The following FGB variants were observed in gnomAD, a reference collection of about 807,000 sequenced individuals.
FGB encodes the protein beta-fibrinogen.
Under a neutral mutation model 57.9 loss-of-function variants are expected in FGB, and 25 were observed. That is an observed-to-expected ratio of 0.43 (90% CI 0.31 to 0.60). The LOEUF (loss-of-function observed/expected upper bound fraction) is 0.60, where lower values mean the gene tolerates loss of function less well. Among genes scored for constraint, FGB ranks in the 20% least tolerant of loss-of-function variants. The pLI is 0.08. For synonymous variants in FGB, 203 were observed against 199.2 expected (o/e 1.02, Z -0.16); for missense variants, 536 against 598.4 (o/e 0.90, Z 1.09).
At chr4:154,570,094 C>T (rs942520964) in intron 7 of FGB, among the ~76,000 whole-genome samples, 1 of 152,044 alleles carries the variant, frequency 6.6e-6, no homozygotes, top group Non-Finnish European at 1.5e-5. Flanking sequence ...TAGATAAATA[C>T]CTATATCTCT....
chr4:154,570,267 G>T, intron 7 of FGB, 152 bp from the exon 8 acceptor site: 2 of 690,820 alleles, frequency 2.9e-6, no homozygotes, highest in East Asian at 2.7e-5. Flanking sequence ...GGGCACAGGA[G>T]GTCTTTGGTG....
In FGB at chr4:154,563,068, A is replaced by T; in HGVS notation, c.50A>T (p.His17Leu). Residue 17 changes from histidine (H) to leucine (L), a missense_variant, in exon 1 of 8, where the codon CAT (histidine) becomes CTT (leucine). By Grantham distance (99) the His-to-Leu change is moderately conservative (BLOSUM62 -3). This residue lies in a region of FGB where 354 missense variants were observed against 383.4 expected (regional missense o/e 0.92). Coordinates refer to ENST00000302068, the MANE Select transcript of FGB (RefSeq NM_005141.5). ...WSFHKLKTMK[H>L]LLLLLLCVFL... The stretch of plus-strand genomic sequence containing the variant: ...TTCCACAAACTTAAAACCATGAAAC[A>T]TCTATTATTGCTACTATTGTGTGTT... The T allele has an allele frequency of 6.3e-7, 1 of 1,577,094 alleles. No homozygotes were observed. Among genetic ancestry groups the T allele is most frequent in the South Asian group, 1.2e-5 (1 of 86,160 alleles).
intron 2 of FGB, 22 bp downstream of exon 2, chr4:154,566,021 G>T: frequency 1.2e-6 from 2 of 1,608,674 alleles, no homozygotes; most frequent in Non-Finnish European, 1.7e-6. Flanking sequence ...GATGTTTCTT[G>T]CAGTGGTGGC....
rs191481721 is a variant in FGB at position 154,572,071 on chromosome 4, C to T, written c.*1421C>T. Among the ~76,000 whole-genome samples, 2 of 152,276 alleles carry T rather than the reference C, an allele frequency of 1.3e-5. No homozygotes were observed. The highest frequency in any genetic ancestry group is 2.9e-5 in the Non-Finnish European group (2 of 68,040). Reference sequence around the variant, plus strand: ...TCTTATCAACTTACTTCCTGCTTAACATTAGCTCCTTCCTATCTATATCCA... The same window carrying T: ...TCTTATCAACTTACTTCCTGCTTAATATTAGCTCCTTCCTATCTATATCCA... On this transcript the variant is annotated 3_prime_UTR_variant, in exon 8 of 8. Coordinates refer to ENST00000302068, the MANE Select transcript of FGB (RefSeq NM_005141.5).
At chr4:154,566,793 G>A (rs1045925172) in intron 3 of FGB, 121 bp downstream of exon 3, 14 of 949,362 alleles carry the variant, frequency 1.5e-5, no homozygotes, top group Middle Eastern at 2.7e-4. Context: ...GCATTCATAC[G>A]CTTTTGGGCA....
At chr4:154,568,274 A>G (rs887358033) in intron 4 of FGB, 107 bp from the exon 5 acceptor site, 1 of 750,056 alleles carries the variant, frequency 1.3e-6, no homozygotes, top group Non-Finnish European at 2.4e-6. Flanking sequence ...GGTCTATAAT[A>G]ACACACTCCT....
chr4:154,570,397 C>T (rs371987505), intron 7 of FGB, 22 bp from the exon 8 acceptor site: 19 of 1,586,188 alleles, frequency 1.2e-5, no homozygotes, highest in East Asian at 4.5e-5. Flanking sequence ...TTTCTAATAA[C>T]GCCAAACACA....
At chr4:154,569,912 T>A (rs1730348357) in intron 7 of FGB, 113 bp downstream of exon 7, 1 of 1,124,296 alleles carries the variant, frequency 8.9e-7, no homozygotes, top group East Asian at 2.4e-5. Flanking sequence ...TGTCAGCCAC[T>A]GTCCTAAGCT....
chr4:154,565,597 T>C, intron 1 of FGB: 2 of 582,252 alleles, frequency 3.4e-6, no homozygotes, highest in Non-Finnish European at 6.2e-6. Context: ...AAAACTACAC[T>C]GCATCATAGC....
At position 154,565,883 on chromosome 4, in the gene FGB, C is replaced by A. The variant is rs1319865641; in HGVS notation, c.190C>A (p.Pro64Thr). The A allele has an allele frequency of 7.4e-6, 12 of 1,614,168 alleles. No individual in the cohort carries two copies. Among genetic ancestry groups the A allele is most frequent in the Non-Finnish European group, 1.0e-5 (12 of 1,180,024 alleles). Residue 64 changes from proline (P) to threonine (T), a missense_variant, in exon 2 of 8, where the codon CCG (proline) becomes ACG (threonine). Coordinates refer to ENST00000302068, the MANE Select transcript of FGB (RefSeq NM_005141.5). ...EEAPSLRPAP[P>T]PISGGGYRAR... The stretch of plus-strand genomic sequence containing the variant: ...GGCTCCCAGCCTGAGGCCTGCCCCA[C>A]CGCCCATCAGTGGAGGTGGCTATCG...
In FGB at chr4:154,571,053, G is replaced by T; in HGVS notation, c.*403G>T. The T allele has an allele frequency of 3.5e-6, 1 of 287,196 alleles. No individual in the cohort carries two copies. Among genetic ancestry groups the T allele is most frequent in the Non-Finnish European group, 6.7e-6 (1 of 149,448 alleles). 17.8% of individuals were successfully genotyped at this position (287,196 alleles called of 1,614,324 possible). On this transcript the variant is annotated 3_prime_UTR_variant, in exon 8 of 8. Coordinates refer to ENST00000302068, the MANE Select transcript of FGB (RefSeq NM_005141.5). Reference sequence around the variant, plus strand: ...ATCTGTCAAAGAAAACTTCCAAAAAGATTTATTAATTAAACCAGACTCTGT... The same window carrying T: ...ATCTGTCAAAGAAAACTTCCAAAAATATTTATTAATTAAACCAGACTCTGT...
chr4:154,566,466 C>T, intron 2 of FGB, 23 bp from the exon 3 acceptor site: 7 of 1,611,220 alleles, frequency 4.3e-6, no homozygotes, highest in Non-Finnish European at 5.9e-6. Flanking sequence ...TCATCTAATG[C>T]CTGCTATTTT....
Position 154,570,404 on chromosome 4 carries a change from C to A in FGB, c.1245-15C>A, listed in dbSNP as rs1187282963. ...TAGTTCTGTTTCTAATAACGCCAAA[C>A]ACATTTTCTTTCAGGTTAACATCAG... is the stretch of plus-strand genomic sequence containing the variant. On this transcript the variant is annotated splice_polypyrimidine_tract_variant and intron_variant, in intron 7 of 7. Transcript: ENST00000302068. The A allele has an allele frequency of 6.2e-7, 1 of 1,600,570 alleles. No individual in the cohort carries two copies. Among genetic ancestry groups the A allele is most frequent in the Admixed American group, 1.7e-5 (1 of 59,978 alleles).
chr4:154,569,849 T>C, intron 7 of FGB, 50 bp downstream of exon 7: 1 of 1,596,592 alleles, frequency 6.3e-7, no homozygotes, highest in East Asian at 2.2e-5. Context: ...CTAATATCAT[T>C]ACTCAGAATC....
rs974985099 is a variant in FGB at position 154,572,362 on chromosome 4, T to C, written c.*1712T>C. The stretch of plus-strand genomic sequence containing the variant: ...AGACCCAGAGCCAGTGAATGGGACA[T>C]AGGGTTTATTTAGGACTTAAATACA... On this transcript the variant is annotated 3_prime_UTR_variant, in exon 8 of 8. Coordinates refer to ENST00000302068, the MANE Select transcript of FGB (RefSeq NM_005141.5). Among the ~76,000 whole-genome samples the C allele has an allele frequency of 6.6e-6, 1 of 152,196 alleles. No individual in the cohort carries two copies. Among genetic ancestry groups the C allele is most frequent in the Non-Finnish European group, 1.5e-5 (1 of 68,034 alleles).
In FGB at chr4:154,568,419, G is replaced by A. The variant is rs756100115; in HGVS notation, c.757G>A (p.Glu253Lys). 2 of 1,607,728 alleles carry A rather than the reference G, an allele frequency of 1.2e-6. No homozygotes were observed. Among genetic ancestry groups the A allele is most frequent in the African/African-American group, 2.7e-5 (2 of 74,810 alleles). Residue 253 changes from glutamate to lysine, a missense_variant, in exon 5 of 8, where the codon GAA becomes AAA. Glu to Lys is a moderately conservative substitution (Grantham distance 56, BLOSUM62 1). This residue lies in a region of FGB where 354 missense variants were observed against 383.4 expected (regional missense o/e 0.92). Coordinates refer to ENST00000302068, the MANE Select transcript of FGB (RefSeq NM_005141.5). ...TATCAGGAAAGGAGGTGAAACATCTGAAATGTATCTCATTCAACCTGACAG... is the reference window on the plus strand; with the variant it reads ...TATCAGGAAAGGAGGTGAAACATCTAAAATGTATCTCATTCAACCTGACAG... Reference protein sequence around the residue: ...EIIRKGGETSEMYLIQPDSSV... With the variant: ...EIIRKGGETSKMYLIQPDSSV...
In FGB at chr4:154,565,843, C is replaced by T. The variant is rs1469889447; in HGVS notation, c.150C>T (p.Asp50=). 6.2e-7 allele frequency: 1 copy of T among 1,614,078 alleles called. No homozygotes were observed. The highest frequency in any genetic ancestry group is 2.2e-5 in the East Asian group (1 of 44,896). The change falls in exon 2 of 8, where the codon GAC becomes GAT. Residue 50 remains aspartate, a synonymous_variant. Transcript: ENST00000302068. ...GTGCCCGTGGTCATCGACCCCTTGA[C>T]AAGAAGAGAGAAGAGGCTCCCAGCC... ...FFSARGHRPL[D]KKREEAPSLR...
chr4:154,563,997 A>C (rs1730052489), intron 1 of FGB, among the ~76,000 whole-genome samples: 1 of 152,018 alleles, frequency 6.6e-6, no homozygotes, highest in Admixed American at 6.6e-5. Flanking sequence ...TGTTGTACTT[A>C]TCAGACTCTA....
chr4:154,566,577 A>G lies in FGB; in HGVS notation c.395A>G (p.Asn132Ser). The part of the protein sequence containing the change: ...PIRNSVDELN[N>S]NVEAVSQTSS... ...AGAAATAGTGTTGATGAGTTAAATA[A>G]CAATGTGGAAGCTGTTTCCCAGACC... Residue 132 changes from asparagine (N) to serine (S), a missense_variant, in exon 3 of 8, where the codon AAC (asparagine) becomes AGC (serine). Physicochemically the swap from Asn to Ser is conservative, Grantham distance 46 (BLOSUM62 1). This residue lies in a region of FGB where 354 missense variants were observed against 383.4 expected (regional missense o/e 0.92). Coordinates refer to ENST00000302068, the MANE Select transcript of FGB (RefSeq NM_005141.5). 6.2e-7 allele frequency: 1 copy of G among 1,614,140 alleles called. No homozygotes were observed. Among genetic ancestry groups the G allele is most frequent in the Non-Finnish European group, 8.5e-7 (1 of 1,179,998 alleles).
Sources: allele counts gnomAD v4.1 joint callset (sites outside exome capture counted in the v4.1 genomes callset), GRCh38; gene constraint gnomAD v4.1.1; regional missense constraint gnomAD v4.1.1; transcripts MANE v1.5; gene names NCBI Gene and HGNC (gene_info 2026-07-23, HGNC 2026-07-21).